The following SPATA3 variants were observed in gnomAD, a reference collection of about 807,000 sequenced individuals.
SPATA3 encodes the protein spermatogenesis associated 3.
A neutral mutation model predicts 5.7 loss-of-function variants in SPATA3; 6 were observed. The ratio of observed to expected loss-of-function variants is 1.06; its 90% confidence interval spans 0.58 to 2.09. The LOEUF is 2.09. SPATA3 is among the 30% of genes most tolerant of loss of function. The pLI is 0.00. For synonymous variants in SPATA3, 44 were observed against 48.4 expected (o/e 0.91, Z 0.37); for missense variants, 155 against 130.4 (o/e 1.19, Z -0.92).
chr2:230,999,170 C>T (rs61526626), intron 1 of SPATA3, among the ~76,000 whole-genome samples: 1,886 of 152,250 alleles, frequency 0.012, 42 homozygotes, highest in African/African-American at 0.043. Flanking sequence ...ACCCACACAT[C>T]GAATGATTCT....
downstream of SPATA3, among the ~76,000 whole-genome samples, chr2:231,008,431 A>T (rs2125116686): frequency 6.6e-6 from 1 of 152,250 alleles, no homozygotes; most frequent in East Asian, 1.9e-4. Context: ...CTATGACTCT[A>T]AGAATTAGTT....
chr2:231,014,438 T>C (rs1343758041), intron 6 of SPATA3, among the ~76,000 whole-genome samples: 2 of 152,198 alleles, frequency 1.3e-5, no homozygotes, highest in African/African-American at 4.8e-5. Flanking sequence ...TAAACTGTTT[T>C]ATCTTTGCTA....
chr2:231,005,339 A>AT (rs1213481231), downstream of SPATA3, among the ~76,000 whole-genome samples: 4,726 of 67,526 alleles, frequency 0.07, 169 homozygotes, highest in South Asian at 0.19. Context: ...CATCACCATC[A>AT]CCATCATCAC....
intron 1 of SPATA3, among the ~76,000 whole-genome samples, chr2:230,998,466 A>G (rs984146850): frequency 6.6e-6 from 1 of 152,232 alleles, no homozygotes; most frequent in Non-Finnish European, 1.5e-5. Context: ...ACTCATACTC[A>G]GAGAAGAATT....
At chr2:231,001,317 C>A (rs1692345219) in intron 2 of SPATA3, among the ~76,000 whole-genome samples, 1 of 152,130 alleles carries the variant, frequency 6.6e-6, no homozygotes, top group South Asian at 2.1e-4. Flanking sequence ...ATCTGCCCCA[C>A]CTGAGGGCCT....
chr2:231,000,343 CCT>C, intron 1 of SPATA3, 21 bp from the exon 2 acceptor site: 2 of 1,444,208 alleles, frequency 1.4e-6, no homozygotes, highest in Non-Finnish European at 1.8e-6. Flanking sequence ...GCCTCCCTCA[CCT>C]CTCTCCTTCT....
intron 5 of SPATA3, among the ~76,000 whole-genome samples, chr2:231,013,631 C>A (rs989451148): frequency 1.3e-5 from 2 of 152,232 alleles, no homozygotes; most frequent in East Asian, 3.9e-4. Context: ...GCTGGGATTA[C>A]GGGCATGTGC....
downstream of SPATA3, among the ~76,000 whole-genome samples, chr2:231,005,562 TCAC>T (rs1692588893): frequency 3.1e-5 from 2 of 63,788 alleles, no homozygotes; most frequent in East Asian, 4.7e-4. Context: ...ACCACCATCA[TCAC>T]CATCATCATC....
chr2:231,003,866 G>C (rs757054562), downstream of SPATA3, among the ~76,000 whole-genome samples: 2 of 152,176 alleles, frequency 1.3e-5, no homozygotes, highest in African/African-American at 2.4e-5. Context: ...CTACCTTGTA[G>C]GGTTATTGTG....
intron 6 of SPATA3, among the ~76,000 whole-genome samples, chr2:231,019,248 A>G (rs546252406): frequency 7.1e-6 from 1 of 139,942 alleles, no homozygotes; most frequent in Non-Finnish European, 1.6e-5. Flanking sequence ...GGATTACAGG[A>G]GTGAGCCACC....
At chr2:231,005,500 C>CACT (rs1692578616), downstream of SPATA3, among the ~76,000 whole-genome samples, 1 of 144,904 alleles carries the variant, frequency 6.9e-6, no homozygotes, top group Non-Finnish European at 1.5e-5. Flanking sequence ...TCACCACCAT[C>CACT]ATCACCACCA....
At chr2:231,005,001 T>TCAC (rs1553550636), downstream of SPATA3, among the ~76,000 whole-genome samples, 2 of 56,232 alleles carry the variant, frequency 3.6e-5, no homozygotes, top group Non-Finnish European at 7.1e-5. Flanking sequence ...ATCCTCACCA[T>TCAC]CATCACCACC....
At chr2:231,005,864 T>C (rs1320873990), downstream of SPATA3, among the ~76,000 whole-genome samples, 1 of 152,130 alleles carries the variant, frequency 6.6e-6, no homozygotes, top group East Asian at 1.9e-4. Flanking sequence ...TATTTTTCTT[T>C]AAATTTGCTT....
At chr2:230,997,970 A>G (rs1253160755) in intron 1 of SPATA3, among the ~76,000 whole-genome samples, 2 of 152,206 alleles carry the variant, frequency 1.3e-5, no homozygotes, top group East Asian at 1.9e-4. Context: ...GTTGCTCCTG[A>G]GCAGACGCTG....
At chr2:231,009,599 C>A (rs1049327034), downstream of SPATA3, among the ~76,000 whole-genome samples, 1 of 152,216 alleles carries the variant, frequency 6.6e-6, no homozygotes, top group Non-Finnish European at 1.5e-5. Flanking sequence ...ACTGGCCTTG[C>A]ATTGTGGCTC....
chr2:231,002,888 G>A (rs1022119598), downstream of SPATA3: 14 of 732,394 alleles, frequency 1.9e-5, no homozygotes, highest in Non-Finnish European at 2.8e-5. Context: ...CCAAGCCCCG[G>A]CCTCTCAAGG....
chr2:230,998,518 G>A (rs1323262295), intron 1 of SPATA3, among the ~76,000 whole-genome samples: 1 of 152,224 alleles, frequency 6.6e-6, no homozygotes, highest in Non-Finnish European at 1.5e-5. Flanking sequence ...AGAAATGGTG[G>A]TGGCTCGCCA....
In SPATA3 at chr2:230,996,959, A is replaced by G. The variant is rs140640395; in HGVS notation, c.791-3407A>G. Among the ~76,000 whole-genome samples the G allele has an allele frequency of 4.1e-3, 620 of 152,360 alleles. 6 individuals are homozygous for G. The highest frequency in any genetic ancestry group is 0.014 in the African/African-American group (577 of 41,576). Reference sequence around the variant, plus strand: ...AAAAGATGCCTGACAAACTAGTCCAAGGAAGATAGTCTGGGTTGATGGAGG... The same window carrying G: ...AAAAGATGCCTGACAAACTAGTCCAGGGAAGATAGTCTGGGTTGATGGAGG... On this transcript the variant is annotated intron_variant, in intron 1 of 2. Coordinates refer to ENST00000645363, the Ensembl canonical transcript of SPATA3.
Position 231,017,307 on chromosome 2 carries a change from C to T in SPATA3, c.*566-2413C>T, listed in dbSNP as rs934241827. Among the ~76,000 whole-genome samples the T allele has an allele frequency of 2.6e-5, 4 of 152,206 alleles. 1 individual carries two copies. The highest frequency in any genetic ancestry group is 9.7e-5 in the African/African-American group (4 of 41,442). On this transcript the variant is annotated intron_variant, in intron 6 of 8. Coordinates refer to the SPATA3 transcript ENST00000452881. ...TTTCCCACTGCCCCCCTTTGCCTTC[C>T]GTGGTATCAGCTTCCCTCCCCTTTG...
Sources: allele counts gnomAD v4.1 joint callset (sites outside exome capture counted in the v4.1 genomes callset), GRCh38; gene constraint gnomAD v4.1.1; transcripts MANE v1.5; gene names NCBI Gene and HGNC (gene_info 2026-07-23, HGNC 2026-07-21).